The following DUSP22 variants were observed in gnomAD, a reference collection of about 807,000 sequenced individuals.
DUSP22 encodes dual specificity phosphatase 22, also known as dual specificity protein phosphatase 22.
Under a neutral mutation model 24.5 loss-of-function variants are expected in DUSP22, and 24 were observed. The observed-to-expected ratio is 0.98, with a 90% CI of 0.71 to 1.38. The LOEUF is 1.38. DUSP22 is among the 40% of genes most tolerant of loss of function. The probability of loss-of-function intolerance (pLI) is 0.00; values close to 1 mark genes in which losing one functional copy is unlikely to be tolerated. For missense variants in DUSP22, 330 were observed against 269.2 expected, an observed-to-expected ratio of 1.23 and a Z score of -1.58; for synonymous variants, 160 against 106.4, an observed-to-expected ratio of 1.50 and a Z score of -3.10.
Position 349,975 on chromosome 6 carries a change from G to T in DUSP22, c.*1024G>T, listed in dbSNP as rs1345699938. The T allele has an allele frequency of 1.0e-6, 1 of 985,644 alleles. No homozygotes were observed. Among genetic ancestry groups the T allele is most frequent in the African/African-American group, 1.7e-5 (1 of 57,278 alleles). 61.1% of individuals were successfully genotyped at this position (985,644 alleles called of 1,614,324 possible). A position where few individuals can be genotyped will look rare whatever the true frequency, so the allele number is the denominator to read the frequency against. On this transcript the variant is annotated 3_prime_UTR_variant, in exon 7 of 7. Coordinates refer to ENST00000419235, the MANE Select transcript of DUSP22 (RefSeq NM_001286555.3). ...TCCTCCTCAACATTTGCATGCACCTGCAAGAATTGGGAAGAAAGAGCATTT... is the reference window on the plus strand; with the variant it reads ...TCCTCCTCAACATTTGCATGCACCTTCAAGAATTGGGAAGAAAGAGCATTT...
rs1344532407 is a variant in DUSP22, at chr6:348,219, C to A, written c.380C>A (p.Pro127His). 1.2e-6 allele frequency: 2 copies of A among 1,614,312 alleles called. No individual in the cohort carries two copies. The highest frequency in any genetic ancestry group is 1.7e-6 in the Non-Finnish European group (2 of 1,180,058). Residue 127 changes from proline to histidine, a missense_variant, in exon 6 of 7, where the codon CCC (proline) becomes CAC (histidine). By Grantham distance (77) the Pro-to-His change is moderately conservative (BLOSUM62 -2). Transcript: ENST00000419235. ...TVRAGRSCAN[P>H]NVGFQRQLQE... ...CGTGCTGGGAGATCCTGTGCCAACC[C>A]CAACGTGGGCTTCCAGAGACAGCTC...
chr6:310,384 G>A (rs2127396956), intron 2 of DUSP22, among the ~76,000 whole-genome samples: 1 of 152,414 alleles, frequency 6.6e-6, no homozygotes, highest in South Asian at 2.1e-4. Context: ...TAGATTAGTA[G>A]AAGGGTTCCA....
At chr6:337,394 A>G (rs1248214638) in intron 4 of DUSP22, among the ~76,000 whole-genome samples, 1 of 152,298 alleles carries the variant, frequency 6.6e-6, no homozygotes, top group Non-Finnish European at 1.5e-5. Context: ...CACTCAGCGT[A>G]TATTAATGTA....
In DUSP22 at chr6:350,771, T is replaced by C; in HGVS notation, c.*1820T>C. The C allele has an allele frequency of 6.2e-7, 1 of 1,614,146 alleles. No individual in the cohort carries two copies. Among genetic ancestry groups the C allele is most frequent in the Non-Finnish European group, 8.5e-7 (1 of 1,179,978 alleles). ...AAACCTCTCAGTGTATTCTTGGAGT[T>C]CTTGAAATGTTGTTTTAATATTTGT... On this transcript the variant is annotated 3_prime_UTR_variant, in exon 7 of 7. Transcript: ENST00000419235.
In DUSP22 at chr6:349,315, A is replaced by G. The variant is rs1326896177; in HGVS notation, c.*364A>G. ...TGTGTACATGTGTGTATGTTGTGAAAGTGTCTGTGCACATGAATGTTTGTG... is the reference window on the plus strand; with the variant it reads ...TGTGTACATGTGTGTATGTTGTGAAGGTGTCTGTGCACATGAATGTTTGTG... On this transcript the variant is annotated 3_prime_UTR_variant, in exon 7 of 7. Transcript: ENST00000419235. The G allele has an allele frequency of 1.7e-6, 2 of 1,167,768 alleles. No homozygotes were observed. The highest frequency in any genetic ancestry group is 3.5e-4 in the Middle Eastern group (1 of 2,860). The allele number at this position is 1,167,768 out of a possible 1,614,324, so 72.3% of individuals were successfully genotyped here.
intron 3 of DUSP22, among the ~76,000 whole-genome samples, chr6:314,105 G>A (rs529633481): frequency 8.5e-5 from 13 of 152,426 alleles, no homozygotes; most frequent in East Asian, 3.8e-4. Flanking sequence ...CCCTGATCCC[G>A]GGAGAGAAAT....
chr6:334,270 A>G (rs185187228), intron 3 of DUSP22, among the ~76,000 whole-genome samples: 1 of 152,428 alleles, frequency 6.6e-6, no homozygotes, highest in East Asian at 1.9e-4. Context: ...GAATAATTTA[A>G]AAATGATTCA....
chr6:316,299 G>A (rs558673024), intron 3 of DUSP22, among the ~76,000 whole-genome samples: 90 of 152,396 alleles, frequency 5.9e-4, no homozygotes, highest in East Asian at 5.8e-3. Context: ...TCAAAACTTC[G>A]GAGCACATGA....
chr6:331,366 A>G (rs1247010647), intron 3 of DUSP22, among the ~76,000 whole-genome samples: 4 of 152,308 alleles, frequency 2.6e-5, no homozygotes, highest in African/African-American at 4.8e-5. Context: ...CACTGTACTA[A>G]TGGAAACATT....
At chr6:313,356 T>C (rs985775365) in intron 3 of DUSP22, among the ~76,000 whole-genome samples, 7 of 152,406 alleles carry the variant, frequency 4.6e-5, no homozygotes, top group African/African-American at 1.4e-4. Context: ...TCTGTGTAGA[T>C]AGGAGATCTG....
intron 1 of DUSP22, among the ~76,000 whole-genome samples, chr6:298,848 A>G (rs1037408136): frequency 6.6e-5 from 10 of 152,422 alleles, no homozygotes; most frequent in Admixed American, 3.9e-4. Context: ...ATTAGGAGAC[A>G]AGACAGATGC....
chr6:305,125 T>C (rs1757763846), intron 2 of DUSP22, among the ~76,000 whole-genome samples: 1 of 152,310 alleles, frequency 6.6e-6, no homozygotes, highest in Non-Finnish European at 1.5e-5. Context: ...CCACCAAAAG[T>C]GAGTTCACTT....
At chr6:295,214 A>C (rs1188931548) in intron 1 of DUSP22, among the ~76,000 whole-genome samples, 2 of 152,294 alleles carry the variant, frequency 1.3e-5, no homozygotes, top group Non-Finnish European at 2.9e-5. Context: ...CCCTGAGGTT[A>C]CTGGGACAAG....
At chr6:333,033 C>T (rs987509383) in intron 3 of DUSP22, among the ~76,000 whole-genome samples, 2 of 152,308 alleles carry the variant, frequency 1.3e-5, no homozygotes, top group African/African-American at 2.4e-5. Context: ...GTTTGGCCTC[C>T]ACGAAGGAAA....
chr6:349,393 C>T lies in DUSP22; in HGVS notation c.*442C>T, dbSNP rs376879586. 5.3e-3 allele frequency: 5,359 copies of T among 1,017,962 alleles called. 3 individuals are homozygous for T. In the African/African-American group the frequency reaches 0.084, roughly 16 times the overall value. 63.1% of individuals were successfully genotyped at this position (1,017,962 alleles called of 1,614,324 possible). A position where few individuals can be genotyped will look rare whatever the true frequency, so the allele number is the denominator to read the frequency against. ...AAGTCACAGAATTCATATTGCTGCCCGGGTTGGTGTGGCCACCTTTCCCTT... is the reference window on the plus strand; with the variant it reads ...AAGTCACAGAATTCATATTGCTGCCTGGGTTGGTGTGGCCACCTTTCCCTT... On this transcript the variant is annotated 3_prime_UTR_variant, in exon 7 of 7. Coordinates refer to ENST00000419235, the MANE Select transcript of DUSP22 (RefSeq NM_001286555.3).
At chr6:322,165 C>T (rs1284030670) in intron 3 of DUSP22, among the ~76,000 whole-genome samples, 1 of 152,298 alleles carries the variant, frequency 6.6e-6, no homozygotes, top group Non-Finnish European at 1.5e-5. Context: ...ATATCATCTA[C>T]ATAGTGTATC....
intron 3 of DUSP22, among the ~76,000 whole-genome samples, chr6:324,094 T>C (rs1336091547): frequency 1.3e-5 from 2 of 152,426 alleles, no homozygotes; most frequent in East Asian, 3.9e-4. Flanking sequence ...TGAGGTTTCC[T>C]GCCTTTTCTG....
intron 2 of DUSP22, among the ~76,000 whole-genome samples, chr6:311,077 A>G (rs1325406166): frequency 1.3e-5 from 2 of 152,308 alleles, no homozygotes; most frequent in African/African-American, 4.8e-5. Flanking sequence ...AAAAAGACGA[A>G]TCAGGAGAGT....
chr6:336,355 C>T (rs1447323683), intron 4 of DUSP22, among the ~76,000 whole-genome samples: 4 of 152,308 alleles, frequency 2.6e-5, no homozygotes, highest in African/African-American at 7.2e-5. Context: ...CTGGATTCCC[C>T]TTTTATGCCC....
Sources: gnomAD v4.1 joint callset for allele counts (sites outside exome capture counted in the v4.1 genomes callset) on GRCh38, gnomAD v4.1.1 for gene constraint, MANE v1.5 for transcripts, NCBI Gene and HGNC (gene_info 2026-07-23, HGNC 2026-07-21) for gene names.